ZFAND1: variants seen among roughly 807,000 people sequenced by gnomAD.
ZFAND1 encodes AN1-type zinc finger protein 1.
Under a neutral mutation model 38.5 loss-of-function variants are expected in ZFAND1, and 40 were observed. The observed-to-expected ratio is 1.04, with a 90% CI of 0.81 to 1.35. The LOEUF is 1.35. ZFAND1 is among the 40% of genes most tolerant of loss of function. The pLI is 0.00. For missense variants in ZFAND1, 346 were observed against 316.3 expected (o/e 1.09, Z -0.71); for synonymous variants, 117 against 103.6 (o/e 1.13, Z -0.78).
intron 1 of ZFAND1, 97 bp downstream of exon 1, chr8:81,721,130 T>C: frequency 6.2e-6 from 9 of 1,455,278 alleles, no homozygotes; most frequent in Admixed American, 2.0e-5. Context: ...CTGCCCAGCC[T>C]TGTGGCCTCC....
intron 6 of ZFAND1, 106 bp downstream of exon 6, chr8:81,713,812 T>C (rs1184174659): frequency 1.9e-5 from 21 of 1,130,498 alleles, no homozygotes; most frequent in African/African-American, 1.5e-4. Flanking sequence ...TTAAGAATGA[T>C]ACATACCAGG....
intron 2 of ZFAND1, among the ~76,000 whole-genome samples, 194 bp from the exon 3 acceptor site, chr8:81,717,482 T>C (rs2130435738): frequency 6.6e-6 from 1 of 152,250 alleles, no homozygotes; most frequent in Non-Finnish European, 1.5e-5. Context: ...AAAACACAAA[T>C]GTTCAACTTC....
At chr8:81,711,994 AAC>A (rs1362993576) in intron 6 of ZFAND1, among the ~76,000 whole-genome samples, 1 of 152,184 alleles carries the variant, frequency 6.6e-6, no homozygotes, top group Admixed American at 6.5e-5. Context: ...TAATGTCACT[AAC>A]ACACACTAAA....
chr8:81,708,122 T>C (rs1301581840), intron 6 of ZFAND1, among the ~76,000 whole-genome samples: 1 of 151,812 alleles, frequency 6.6e-6, no homozygotes, highest in Non-Finnish European at 1.5e-5. Flanking sequence ...TGGTGGCACA[T>C]GCCTGTAATC....
At position 81,714,081 on chromosome 8, in the gene ZFAND1, A is replaced by C. The variant is rs771865694; in HGVS notation, c.359-42T>G. The stretch of plus-strand genomic sequence containing the variant: ...TGTAATCACATAAAACTTTCACATT[A>C]CAAATAGAATTTTATTATAATACAC... On this transcript the variant is annotated intron_variant, in intron 5 of 7. Transcript: ENST00000220669. 6 of 1,528,734 alleles carry C rather than the reference A, an allele frequency of 3.9e-6. 1 individual carries two copies. In the South Asian group the frequency reaches 6.4e-5, roughly 16 times the overall value. 94.7% of individuals were successfully genotyped at this position (1,528,734 alleles called of 1,614,324 possible).
chr8:81,720,886 G>A, intron 1 of ZFAND1: 2 of 417,064 alleles, frequency 4.8e-6, no homozygotes, highest in South Asian at 2.6e-5. Context: ...TCCTTCCAAG[G>A]AGACCACACG....
chr8:81,702,597 C>A lies in ZFAND1; in HGVS notation c.*98G>T. ...TAAGGGGAAATAAGTTAAAAAGCAA[C>A]TTTTAAAAATTACAAAAATAGTATT... On this transcript the variant is annotated 3_prime_UTR_variant, in exon 8 of 8. Transcript: ENST00000220669. 9.5e-7 allele frequency: 1 copy of A among 1,057,230 alleles called. No individual in the cohort carries two copies. Among genetic ancestry groups the A allele is most frequent in the Non-Finnish European group, 1.3e-6 (1 of 798,382 alleles). The allele number at this position is 1,057,230 out of a possible 1,614,324, so 65.5% of individuals were successfully genotyped here.
intron 6 of ZFAND1, among the ~76,000 whole-genome samples, chr8:81,707,437 A>G (rs1157896345): frequency 6.6e-6 from 1 of 152,228 alleles, no homozygotes; most frequent in Admixed American, 6.5e-5. Flanking sequence ...GTTGCTTTTT[A>G]TAATCATACT....
chr8:81,711,382 A>G (rs1355416746), intron 6 of ZFAND1, among the ~76,000 whole-genome samples: 1 of 152,224 alleles, frequency 6.6e-6, no homozygotes, highest in Non-Finnish European at 1.5e-5. Flanking sequence ...ACTGCACTCC[A>G]GCCTGGGCGA....
chr8:81,708,079 T>G (rs566565417), intron 6 of ZFAND1, among the ~76,000 whole-genome samples: 27 of 152,050 alleles, frequency 1.8e-4, no homozygotes, highest in Non-Finnish European at 3.4e-4. Context: ...TGAAACCCTG[T>G]CTTTACTAAA....
chr8:81,716,310 T>C (rs1031848757), intron 3 of ZFAND1, among the ~76,000 whole-genome samples: 3 of 152,364 alleles, frequency 2.0e-5, no homozygotes, highest in African/African-American at 7.2e-5. Context: ...CCTGGTCCAG[T>C]ACTGCTGTGA....
Position 81,721,251 on chromosome 8 carries a change from G to A in ZFAND1, c.31C>T (p.Gln11Ter), listed in dbSNP as rs1440913433. 3.2e-6 allele frequency: 5 copies of A among 1,549,210 alleles called. No homozygotes were observed. The highest frequency in any genetic ancestry group is 3.5e-6 in the Non-Finnish European group (4 of 1,147,212). ...CCTCGCTGCCGGCAATGCTCCACCT[G>A]GCAGTGCTGCCCGATGTCCAACTCC... MAELDIGQHCQVEHCRQRDFL... is the reference protein window; with the variant it reads MAELDIGQHC Residue 11 changes from glutamine to a stop codon, truncating the protein, a stop_gained, in exon 1 of 8, where the codon CAG becomes TAG. Transcript: ENST00000220669. LOFTEE classifies it high-confidence loss of function.
intron 7 of ZFAND1, 28 bp downstream of exon 7, chr8:81,702,941 T>C: frequency 6.7e-7 from 1 of 1,489,762 alleles, no homozygotes; most frequent in Non-Finnish European, 8.9e-7. Context: ...TTTATTAATA[T>C]AGAAATATTA....
chr8:81,715,662 A>C (rs1186469922), intron 3 of ZFAND1, among the ~76,000 whole-genome samples: 1 of 152,144 alleles, frequency 6.6e-6, no homozygotes, highest in African/African-American at 2.4e-5. Flanking sequence ...AAAAAAAAAA[A>C]AAATTCTAAA....
intron 5 of ZFAND1, chr8:81,714,570 G>A (rs1416239932): frequency 4.4e-6 from 2 of 455,290 alleles, no homozygotes; most frequent in East Asian, 8.5e-5. Context: ...GCTAATCTAA[G>A]TGGCTCAGCA....
In ZFAND1 at chr8:81,701,747, AAGTAAACCTAT is replaced by A. The variant is rs1386428012; in HGVS notation, c.*937_*947del. 1 of 152,238 alleles carries A rather than the reference AAGTAAACCTAT, an allele frequency of 6.6e-6. No individual in the cohort carries two copies. The highest frequency in any genetic ancestry group is 2.4e-5 in the African/African-American group (1 of 41,464). 9.4% of individuals were successfully genotyped at this position (152,238 alleles called of 1,614,324 possible). A position where few individuals can be genotyped will look rare whatever the true frequency, so the allele number is the denominator to read the frequency against. Reference sequence around the variant, plus strand: ...TGAGCATTCCAAATTTATTCCTTTTAAGTAAACCTATAGCCACTACATATGTCCCTGACAAT... The same window carrying A: ...TGAGCATTCCAAATTTATTCCTTTTAAGCCACTACATATGTCCCTGACAAT... On this transcript the variant is annotated 3_prime_UTR_variant, in exon 8 of 8. Transcript: ENST00000220669.
intron 6 of ZFAND1, among the ~76,000 whole-genome samples, chr8:81,713,147 G>T (rs1249230126): frequency 6.6e-6 from 1 of 151,700 alleles, no homozygotes; most frequent in Non-Finnish European, 1.5e-5. Flanking sequence ...TTTTGAGACG[G>T]AGTCTCGCTC....
intron 1 of ZFAND1, among the ~76,000 whole-genome samples, chr8:81,719,505 T>TCAAAA (rs1808411869): frequency 6.6e-6 from 1 of 151,928 alleles, no homozygotes; most frequent in African/African-American, 2.4e-5. Flanking sequence ...AGACTCCATC[T>TCAAAA]CAAAACAAAA....
intron 6 of ZFAND1, among the ~76,000 whole-genome samples, chr8:81,707,891 G>T (rs1489857235): frequency 6.6e-6 from 1 of 152,092 alleles, no homozygotes; most frequent in African/African-American, 2.4e-5. Flanking sequence ...ACAACTGGAA[G>T]AAAATAAAAT....
Sources: allele counts gnomAD v4.1 joint callset (sites outside exome capture counted in the v4.1 genomes callset), GRCh38; gene constraint gnomAD v4.1.1; transcripts MANE v1.5; gene names NCBI Gene and HGNC (gene_info 2026-07-23, HGNC 2026-07-21).